ABCC4: variants seen among roughly 807,000 people sequenced by gnomAD.
ABCC4 encodes the protein ATP-binding cassette sub-family C member 4.
In ABCC4, 102 loss-of-function variants were observed where a neutral mutation model predicts 168.5. The ratio of observed to expected loss-of-function variants is 0.61; its 90% CI spans 0.52 to 0.71. The LOEUF (loss-of-function observed/expected upper bound fraction) is 0.71, where lower values mean the gene tolerates loss of function less well. ABCC4 is among the 30% of genes least tolerant of loss of function. The pLI is 0.00. For synonymous variants in ABCC4, 617 were observed against 590.7 expected, an observed-to-expected ratio of 1.04 and a Z score of -0.65; for missense variants, 1,402 against 1,605.8, an observed-to-expected ratio of 0.87 and a Z score of 2.17.
At chr13:95,131,922 C>T (rs751592718) in intron 19 of ABCC4, among the ~76,000 whole-genome samples, 23 of 152,142 alleles carry the variant, frequency 1.5e-4, no homozygotes, top group East Asian at 5.8e-4. Flanking sequence ...ACACAATTAC[C>T]GCATGATCCA....
chr13:95,085,591 G>A lies in ABCC4; in HGVS notation c.2536-2301C>T, dbSNP rs966251114. 1.2e-4 allele frequency among the ~76,000 whole-genome samples: 18 copies of A among 152,298 alleles called. No individual in the cohort carries two copies. In the East Asian group the frequency reaches 3.1e-3, roughly 26 times the overall value. On this transcript the variant is annotated intron_variant, in intron 20 of 30. Coordinates refer to ENST00000645237, the MANE Select transcript of ABCC4 (RefSeq NM_005845.5). ...CAGCATAAATAATCACTTGCGGGTC[G>A]CAATCACAGTTTGCTTGCTGCGGGA...
At chr13:95,036,561 T>A (rs1014190379) in intron 29 of ABCC4, among the ~76,000 whole-genome samples, 1 of 151,960 alleles carries the variant, frequency 6.6e-6, no homozygotes, top group African/African-American at 2.4e-5. Flanking sequence ...ATTATTAGAT[T>A]AATAATAAAA....
chr13:95,165,937 C>T (rs2037256234), intron 15 of ABCC4, among the ~76,000 whole-genome samples: 1 of 152,204 alleles, frequency 6.6e-6, no homozygotes, highest in African/African-American at 2.4e-5. Flanking sequence ...ACCCGCTACT[C>T]ACCTCCTTGA....
At chr13:95,270,340 GAAAA>G (rs10583122) in intron 1 of ABCC4, among the ~76,000 whole-genome samples, 51 of 130,580 alleles carry the variant, frequency 3.9e-4, no homozygotes, top group South Asian at 1.0e-3. Context: ...ACCAGGCTGT[GAAAA>G]AAAAAAAAAA....
At chr13:95,232,107 A>C (rs781688405) in intron 4 of ABCC4, among the ~76,000 whole-genome samples, 29 of 36,942 alleles carry the variant, frequency 7.9e-4, no homozygotes, top group Middle Eastern at 0.022. Flanking sequence ...GATGATGATG[A>C]TGCTGCTGCT....
At chr13:95,031,394 C>G (rs572162051) in intron 30 of ABCC4, among the ~76,000 whole-genome samples, 1 of 152,158 alleles carries the variant, frequency 6.6e-6, no homozygotes, top group South Asian at 2.1e-4. Flanking sequence ...TGACACAGAA[C>G]GCTACTTAGG....
intron 19 of ABCC4, among the ~76,000 whole-genome samples, chr13:95,129,216 A>G (rs2035880611): frequency 6.6e-6 from 1 of 152,280 alleles, no homozygotes; most frequent in African/African-American, 2.4e-5. Context: ...ATTTAAAAAA[A>G]CAAATATTGC....
At chr13:95,049,640 C>CAAATAAAT (rs199553697) in intron 27 of ABCC4, among the ~76,000 whole-genome samples, 12 of 150,246 alleles carry the variant, frequency 8.0e-5, no homozygotes, top group Middle Eastern at 3.4e-3. Flanking sequence ...GACTCTGTCT[C>CAAATAAAT]AAATAAATAA....
chr13:95,111,275 T>G (rs914275560), intron 20 of ABCC4, among the ~76,000 whole-genome samples: 1 of 152,232 alleles, frequency 6.6e-6, no homozygotes, highest in Middle Eastern at 3.2e-3. Flanking sequence ...GTTACAAGTT[T>G]TGAAAAAGCA....
At chr13:95,120,898 G>A (rs2035547751) in intron 19 of ABCC4, among the ~76,000 whole-genome samples, 1 of 152,212 alleles carries the variant, frequency 6.6e-6, no homozygotes. Context: ...TTGCTGGGCT[G>A]AAAAGGATGA....
At chr13:95,139,304 G>A (rs190981221) in intron 19 of ABCC4, among the ~76,000 whole-genome samples, 1 of 152,322 alleles carries the variant, frequency 6.6e-6, no homozygotes, top group Non-Finnish European at 1.5e-5. Flanking sequence ...AGGATTGGCC[G>A]CCCAAAGGAG....
In ABCC4 at chr13:95,234,768, G is replaced by C; in HGVS notation, c.373C>G (p.Pro125Ala). Residue 125 changes from proline (P) to alanine (A), a missense_variant, in exon 4 of 31, where the codon CCC becomes GCC. By Grantham distance (27) the Pro-to-Ala change is conservative (BLOSUM62 -1). Transcript: ENST00000645237. ...GTGTTCAAAGCCACAGAATCCATGG[G>C]ATCATAATTTTCAAAATAATTAATA... ...KIINYFENYD[P>A]MDSVALNTAY... 6.2e-7 allele frequency: 1 copy of C among 1,612,696 alleles called. No individual in the cohort carries two copies. The highest frequency in any genetic ancestry group is 8.5e-7 in the Non-Finnish European group (1 of 1,179,416).
rs57416484 is a variant in ABCC4, at chr13:95,164,051, AAAAAAAG to A, written c.2175+320_2175+326del. Among the ~76,000 whole-genome samples, 979 of 148,798 alleles carry A rather than the reference AAAAAAAG, an allele frequency of 6.6e-3. 10 individuals carry two copies. The highest frequency in any genetic ancestry group is 0.023 in the African/African-American group (920 of 40,370). On this transcript the variant is annotated intron_variant, in intron 16 of 30. Coordinates refer to ENST00000645237, the MANE Select transcript of ABCC4 (RefSeq NM_005845.5). ...GCAAAACTCCATCTCAAAAAAAAAA[AAAAAAAG>A]AAAGAAAGAAAGAAAGAAAGAATAA...
chr13:95,191,217 A>G (rs2038242012), intron 9 of ABCC4, among the ~76,000 whole-genome samples: 1 of 152,232 alleles, frequency 6.6e-6, no homozygotes, highest in African/African-American at 2.4e-5. Flanking sequence ...CTTCAAAATG[A>G]AAAATTTACC....
At chr13:95,054,118 T>C (rs1415936318) in intron 26 of ABCC4, among the ~76,000 whole-genome samples, 1 of 143,932 alleles carries the variant, frequency 6.9e-6, no homozygotes, top group African/African-American at 2.6e-5. Flanking sequence ...TATGAAAGGA[T>C]TGCCTCTGAT....
intron 1 of ABCC4, among the ~76,000 whole-genome samples, chr13:95,290,117 T>TAGATAGAC (rs1566604038): frequency 8.2e-5 from 5 of 61,220 alleles, no homozygotes; most frequent in East Asian, 7.1e-4. Flanking sequence ...GATAGATAGA[T>TAGATAGAC]AGATAGATAG....
chr13:95,027,290 G>A (rs1457902211), intron 30 of ABCC4, among the ~76,000 whole-genome samples: 2 of 151,874 alleles, frequency 1.3e-5, no homozygotes, highest in Non-Finnish European at 2.9e-5. Context: ...CACAATAATG[G>A]GTGGCACATT....
At chr13:95,182,944 ATTATT>A (rs932112495) in intron 11 of ABCC4, among the ~76,000 whole-genome samples, 5 of 152,238 alleles carry the variant, frequency 3.3e-5, no homozygotes, top group African/African-American at 4.8e-5. Context: ...TTCCTATCTT[ATTATT>A]TTATCTCAAA....
chr13:95,102,350 T>C (rs1017816319), intron 20 of ABCC4, among the ~76,000 whole-genome samples: 1 of 152,186 alleles, frequency 6.6e-6, no homozygotes, highest in African/African-American at 2.4e-5. Context: ...CTCACCATAA[T>C]GCTCAGGCTG....
Sources: gnomAD v4.1 joint callset for allele counts (sites outside exome capture counted in the v4.1 genomes callset) on GRCh38, gnomAD v4.1.1 for gene constraint, MANE v1.5 for transcripts, NCBI Gene and HGNC (gene_info 2026-07-23, HGNC 2026-07-21) for gene names.